The following LIMS1 variants were observed in gnomAD, a reference collection of about 807,000 sequenced individuals.
LIMS1 encodes LIM zinc finger domain containing 1, also known as LIM and senescent cell antigen-like-containing domain protein 1.
Under a neutral mutation model 44.1 loss-of-function variants are expected in LIMS1, and 18 were observed. The observed-to-expected ratio is 0.41, with a 90% CI of 0.28 to 0.61. LIMS1 has a LOEUF of 0.61. Ranked by LOEUF, LIMS1 falls within the 20% of genes least tolerant of loss-of-function variation. The pLI, the probability that LIMS1 is intolerant of heterozygous loss-of-function variation, is 0.32. For missense variants in LIMS1, 201 were observed against 422.0 expected, an observed-to-expected ratio of 0.48 and a Z score of 4.59; for synonymous variants, 93 against 149.1, an observed-to-expected ratio of 0.62 and a Z score of 2.74.
At chr2:108,540,193 C>CTTTTTTTT (rs34386092) in intron 1 of LIMS1, among the ~76,000 whole-genome samples, 18 of 93,342 alleles carry the variant, frequency 1.9e-4, no homozygotes, top group Admixed American at 9.5e-4. Flanking sequence ...GTACAGATTC[C>CTTTTTTTT]TTTTTTTTTT....
intron 1 of LIMS1, among the ~76,000 whole-genome samples, chr2:108,624,221 C>G (rs777219621): frequency 6.6e-6 from 1 of 152,200 alleles, no homozygotes; most frequent in African/African-American, 2.4e-5. Flanking sequence ...AAAATAACAT[C>G]TAAGATATAC....
At chr2:108,572,887 T>C (rs1158130017) in intron 1 of LIMS1, among the ~76,000 whole-genome samples, 1 of 152,190 alleles carries the variant, frequency 6.6e-6, no homozygotes, top group East Asian at 1.9e-4. Flanking sequence ...AGGTCTCTCT[T>C]GTCCTAGAAC....
intron 1 of LIMS1, among the ~76,000 whole-genome samples, chr2:108,647,563 C>A (rs1280294222): frequency 6.6e-6 from 1 of 152,178 alleles, no homozygotes; most frequent in Non-Finnish European, 1.5e-5. Context: ...CGAAAATCCT[C>A]AATAAAATAC....
chr2:108,582,547 TCA>T (rs1205056613), intron 1 of LIMS1, among the ~76,000 whole-genome samples: 2 of 152,162 alleles, frequency 1.3e-5, no homozygotes, highest in African/African-American at 4.8e-5. Context: ...GGTCGGTGGA[TCA>T]CTTGAGTCCA....
At chr2:108,615,165 T>C (rs1411923880) in intron 1 of LIMS1, among the ~76,000 whole-genome samples, 2 of 152,202 alleles carry the variant, frequency 1.3e-5, no homozygotes, top group African/African-American at 4.8e-5. Flanking sequence ...TATATGTATC[T>C]AGTTTTAAGT....
At chr2:108,570,301 G>A (rs931979191) in intron 1 of LIMS1, among the ~76,000 whole-genome samples, 4 of 151,984 alleles carry the variant, frequency 2.6e-5, no homozygotes, top group South Asian at 4.2e-4. Flanking sequence ...ATGGTGGCGC[G>A]TGCCTGTAAT....
At chr2:108,534,656 G>T in intron 1 of LIMS1, 62 bp downstream of exon 1, 4 of 905,714 alleles carry the variant, frequency 4.4e-6, no homozygotes, top group Non-Finnish European at 5.3e-6. Flanking sequence ...GGGCCTTCGG[G>T]CCGGGCCGGG....
intron 2 of LIMS1, chr2:108,660,381 TGTA>T (rs1394005636): frequency 6.6e-6 from 3 of 453,844 alleles, no homozygotes; most frequent in African/African-American, 6.1e-5. Context: ...GCACTTCCTT[TGTA>T]GTGTATTTGG....
At chr2:108,646,895 G>A (rs561855801) in intron 1 of LIMS1, among the ~76,000 whole-genome samples, 2 of 152,184 alleles carry the variant, frequency 1.3e-5, no homozygotes, top group Middle Eastern at 3.4e-3. Flanking sequence ...CTAATTTTTT[G>A]TATTTTTAGT....
upstream of LIMS1, chr2:108,533,798 C>T (rs1334623798): frequency 6.6e-6 from 1 of 152,450 alleles, no homozygotes; most frequent in Non-Finnish European, 1.5e-5. Flanking sequence ...ACTGGAAACT[C>T]TCCAAGAAAG....
chr2:108,621,158 A>G, intron 1 of LIMS1: 1 of 929,466 alleles, frequency 1.1e-6, no homozygotes, highest in South Asian at 2.2e-5. Context: ...AGATAAGGCA[A>G]GTTGTGCCTT....
intron 1 of LIMS1, among the ~76,000 whole-genome samples, chr2:108,558,529 A>T (rs1326186653): frequency 6.6e-6 from 1 of 150,848 alleles, no homozygotes; most frequent in Non-Finnish European, 1.5e-5. Flanking sequence ...TTTTTATAGT[A>T]CTCTAAATGC....
At chr2:108,609,910 A>G (rs1229237606) in intron 1 of LIMS1, among the ~76,000 whole-genome samples, 1 of 152,056 alleles carries the variant, frequency 6.6e-6, no homozygotes, top group African/African-American at 2.4e-5. Flanking sequence ...TGGGAGGCCG[A>G]GGTGGGCGGA....
intron 1 of LIMS1, among the ~76,000 whole-genome samples, chr2:108,540,193 CTTTTTTTTTTTTT>C (rs34386092): frequency 1.1e-5 from 1 of 93,314 alleles, no homozygotes; most frequent in African/African-American, 4.0e-5. Context: ...GTACAGATTC[CTTTTTTTTTTTTT>C]TTTTTTTTTT....
chr2:108,656,578 C>T (rs1690870351), intron 1 of LIMS1, among the ~76,000 whole-genome samples: 1 of 151,326 alleles, frequency 6.6e-6, no homozygotes, highest in African/African-American at 2.4e-5. Context: ...GAAAGGGAAG[C>T]CTGACTGGTT....
chr2:108,572,845 G>A (rs1174078852), intron 1 of LIMS1, among the ~76,000 whole-genome samples: 2 of 152,128 alleles, frequency 1.3e-5, no homozygotes, highest in Non-Finnish European at 2.9e-5. Context: ...GGAACTGGCC[G>A]CTGAACCTGC....
intron 1 of LIMS1, among the ~76,000 whole-genome samples, chr2:108,625,221 T>C (rs927230468): frequency 2.0e-5 from 3 of 152,220 alleles, no homozygotes; most frequent in Admixed American, 2.0e-4. Flanking sequence ...TAAAAATATT[T>C]TTCACATGTG....
In LIMS1 at chr2:108,540,292, G is replaced by A. The variant is rs188352966; in HGVS notation, c.32+5698G>A. 5.9e-3 allele frequency among the ~76,000 whole-genome samples: 818 copies of A among 138,970 alleles called. 6 individuals are homozygous for A. The highest frequency in any genetic ancestry group is 0.018 in the African/African-American group (709 of 38,440). 91.2% of individuals were successfully genotyped at this position (138,970 alleles called of 152,430 possible). A position where few individuals can be genotyped will look rare whatever the true frequency, so the allele number is the denominator to read the frequency against. On this transcript the variant is annotated intron_variant, in intron 1 of 9. Coordinates refer to ENST00000544547, the Ensembl canonical transcript of LIMS1. ...CGGCTCACTGCAGGCTCCGCCTCCC[G>A]GGTTCAAGTCATTCTCCTGCCTCAG...
intron 1 of LIMS1, among the ~76,000 whole-genome samples, chr2:108,590,198 G>A (rs1686310549): frequency 1.3e-5 from 2 of 152,186 alleles, no homozygotes; most frequent in South Asian, 2.1e-4. Flanking sequence ...GAGTGATACC[G>A]ATTGCATGTG....
Sources: allele counts gnomAD v4.1 joint callset (sites outside exome capture counted in the v4.1 genomes callset), GRCh38; gene constraint gnomAD v4.1.1; transcripts MANE v1.5; gene names NCBI Gene and HGNC (gene_info 2026-07-23, HGNC 2026-07-21).